Variants in USO1 observed in about 807,000 individuals in gnomAD.
USO1 encodes the protein general vesicular transport factor p115.
In USO1, 57 loss-of-function variants were observed where a neutral mutation model predicts 124.5. The observed-to-expected ratio is 0.46, with a 90% CI of 0.37 to 0.57. The LOEUF is 0.57. Among genes scored for constraint, USO1 ranks in the 20% least tolerant of loss-of-function variants. The pLI is 0.00. For synonymous variants in USO1, 369 were observed against 362.8 expected (o/e 1.02, Z -0.19); for missense variants, 900 against 1,040.6 (o/e 0.86, Z 1.86).
rs775285821 is a variant in USO1, at chr4:75,805,278, A to G, written c.2264A>G (p.Glu755Gly). ...NQELLQSQLT[E>G]KDSMIENMKS... ...GAACTTTTACAAAGCCAGCTGACTG[A>G]AAAGGACTCTATGATTGAAAATATG... is the stretch of plus-strand genomic sequence containing the variant. The change falls in exon 19 of 24, where the codon GAA (glutamate) becomes GGA (glycine). Residue 755 changes from glutamate (E) to glycine (G), a missense_variant. By Grantham distance (98) the Glu-to-Gly change is moderately conservative (BLOSUM62 -2). Around this residue, in one of 2 missense-constraint regions of USO1, gnomAD observed 362 missense variants for 359.0 expected, o/e 1.01. Coordinates refer to ENST00000514213, the MANE Select transcript of USO1 (RefSeq NM_003715.4). The G allele has an allele frequency of 2.5e-6, 4 of 1,609,150 alleles. No homozygotes were observed. Among genetic ancestry groups the G allele is most frequent in the African/African-American group, 1.3e-5 (1 of 74,726 alleles).
At position 75,773,315 on chromosome 4, in the gene USO1, C is replaced by CT. The variant is rs532102525; in HGVS notation, c.556-1353dup. On this transcript the variant is annotated intron_variant, in intron 7 of 23. Coordinates refer to ENST00000514213, the MANE Select transcript of USO1 (RefSeq NM_003715.4). ...TATTGGTTTTTACATGTTTTATAAC[C>CT]TTTTTTTTATTTTAATAAACCTATT... is the stretch of plus-strand genomic sequence containing the variant. Among the ~76,000 whole-genome samples, 32 of 151,426 alleles carry CT rather than the reference C, an allele frequency of 2.1e-4. No individual in the cohort carries two copies. In the East Asian group the frequency reaches 4.1e-3, roughly 19 times the overall value.
chr4:75,769,335 A>G (rs778635805), intron 4 of USO1, among the ~76,000 whole-genome samples: 1 of 152,228 alleles, frequency 6.6e-6, no homozygotes, highest in African/African-American at 2.4e-5. Context: ...TTTCTGAAGG[A>G]TAAACCCAGC....
At chr4:75,796,639 G>A (rs756809835) in intron 13 of USO1, among the ~76,000 whole-genome samples, 1 of 151,688 alleles carries the variant, frequency 6.6e-6, no homozygotes, top group Non-Finnish European at 1.5e-5. Context: ...CGCCCAGCCC[G>A]CAGCTTCAAA....
At chr4:75,760,827 A>G (rs926567943) in intron 4 of USO1, among the ~76,000 whole-genome samples, 1 of 152,200 alleles carries the variant, frequency 6.6e-6, no homozygotes, top group African/African-American at 2.4e-5. Flanking sequence ...CACATAAAAT[A>G]TTCTAGTGCA....
chr4:75,724,860 G>C lies in USO1; in HGVS notation c.41G>C (p.Gly14Ala), dbSNP rs956283249. Residue 14 changes from glycine to alanine, a missense_variant, in exon 1 of 24, where the codon GGA becomes GCA. Gly to Ala is a moderately conservative substitution (Grantham distance 60). This residue lies in a region of USO1 where 538 missense variants were observed against 681.6 expected (regional missense o/e 0.79). Transcript: ENST00000514213. The part of the protein sequence containing the change: ...LRGVMGGQSA[G>A]PQHTEAETIQ... ...GGGGTAATGGGGGGTCAGAGTGCCG[G>C]ACCCCAGCACACAGAAGCCGAGACG... 1 of 1,613,694 alleles carries C rather than the reference G, an allele frequency of 6.2e-7. No homozygotes were observed. Among genetic ancestry groups the C allele is most frequent in the African/African-American group, 1.3e-5 (1 of 74,912 alleles).
intron 1 of USO1, among the ~76,000 whole-genome samples, chr4:75,741,147 C>A (rs765928545): frequency 1.3e-5 from 2 of 152,144 alleles, no homozygotes; most frequent in Non-Finnish European, 2.9e-5. Context: ...GGGCCATAAA[C>A]CTGTACAGCG....
chr4:75,757,528 G>T lies in USO1; in HGVS notation c.250G>T (p.Asp84Tyr). Residue 84 changes from aspartate to tyrosine, a missense_variant, in exon 4 of 24, where the codon GAC becomes TAC. This residue lies in a region of USO1 where 538 missense variants were observed against 681.6 expected (regional missense o/e 0.79). Coordinates refer to ENST00000514213, the MANE Select transcript of USO1 (RefSeq NM_003715.4). ...SDSEIIGYAL[D>Y]TLYNIISNEE... ...TTCTGAAATAATAGGTTATGCTTTG[G>T]ACACACTATATAATATAATATCTAA... 1 of 1,514,410 alleles carries T rather than the reference G, an allele frequency of 6.6e-7. No individual in the cohort carries two copies. Among genetic ancestry groups the T allele is most frequent in the Non-Finnish European group, 8.8e-7 (1 of 1,130,326 alleles). The allele number at this position is 1,514,410 out of a possible 1,614,324, so 93.8% of individuals were successfully genotyped here. A position where few individuals can be genotyped will look rare whatever the true frequency, so the allele number is the denominator to read the frequency against.
intron 3 of USO1, among the ~76,000 whole-genome samples, chr4:75,753,829 G>T (rs1721354919): frequency 6.8e-6 from 1 of 148,012 alleles, no homozygotes; most frequent in Non-Finnish European, 1.5e-5. Flanking sequence ...TGTCGCCCAG[G>T]CTGGAGTGCA....
intron 4 of USO1, among the ~76,000 whole-genome samples, chr4:75,768,885 GCTT>G (rs1197554974): frequency 1.3e-5 from 2 of 152,160 alleles, no homozygotes; most frequent in Non-Finnish European, 2.9e-5. Context: ...TATTTATCCA[GCTT>G]CTTACTTGGT....
At chr4:75,781,378 A>G (rs1320893795) in intron 8 of USO1, among the ~76,000 whole-genome samples, 2 of 152,218 alleles carry the variant, frequency 1.3e-5, no homozygotes, top group Admixed American at 6.5e-5. Context: ...AGGATTTAGA[A>G]TATTACATCA....
At chr4:75,801,506 C>T (rs977977408) in intron 17 of USO1, among the ~76,000 whole-genome samples, 1 of 152,118 alleles carries the variant, frequency 6.6e-6, no homozygotes. Context: ...CCTAAACCTT[C>T]ATTATATTCC....
At chr4:75,813,061 C>T (rs530756650) in intron 23 of USO1, 145 bp from the exon 24 acceptor site, 104 of 744,598 alleles carry the variant, frequency 1.4e-4, no homozygotes, top group Middle Eastern at 1.4e-3. Context: ...TGCAGTGAGC[C>T]GAGATCGCAC....
chr4:75,782,402 A>G (rs1722245327), intron 8 of USO1, among the ~76,000 whole-genome samples: 2 of 152,230 alleles, frequency 1.3e-5, no homozygotes, highest in Admixed American at 1.3e-4. Context: ...CTTGGTAATC[A>G]TTCCTGAAGA....
chr4:75,770,992 T>C, intron 6 of USO1, 68 bp downstream of exon 6: 16 of 1,596,094 alleles, frequency 1.0e-5, no homozygotes, highest in Non-Finnish European at 1.4e-5. Flanking sequence ...AGAAAGGGAC[T>C]GAAATGGTGT....
At chr4:75,800,149 C>T (rs1722803896) in intron 14 of USO1, among the ~76,000 whole-genome samples, 3 of 151,994 alleles carry the variant, frequency 2.0e-5, no homozygotes, top group South Asian at 2.1e-4. Context: ...GTTGGCCAGG[C>T]TGGTCTCAAA....
chr4:75,807,176 A>G (rs555518904), intron 20 of USO1, among the ~76,000 whole-genome samples: 61 of 152,262 alleles, frequency 4.0e-4, no homozygotes, highest in South Asian at 2.1e-3. Flanking sequence ...ATTTAAATGT[A>G]TTGTTCAAGA....
chr4:75,805,065 ATT>A, intron 18 of USO1, 73 bp from the exon 19 acceptor site: 1 of 1,466,858 alleles, frequency 6.8e-7, no homozygotes, highest in Non-Finnish European at 9.0e-7. Flanking sequence ...AAAATTACAT[ATT>A]TGAATCTTCT....
In USO1 at chr4:75,782,834, G is replaced by A; in HGVS notation, c.831G>A (p.Val277=). The stretch of plus-strand genomic sequence containing the variant: ...ATTCTGGCTGGTCTGCACAGAAAGT[G>A]ACCAATCTACATCTAATGCTACAGG... The part of the protein sequence containing the change: ...DENSGWSAQK[V]TNLHLMLQLV... The change falls in exon 9 of 24, where the codon GTG becomes GTA. Residue 277 remains valine, a synonymous_variant. Coordinates refer to ENST00000514213, the MANE Select transcript of USO1 (RefSeq NM_003715.4). 6.2e-7 allele frequency: 1 copy of A among 1,602,770 alleles called. No homozygotes were observed. Among genetic ancestry groups the A allele is most frequent in the Non-Finnish European group, 8.5e-7 (1 of 1,176,852 alleles).
rs1721336774 is a variant in USO1 at position 75,753,147 on chromosome 4, G to T, written c.218+543G>T. 2.0e-5 allele frequency among the ~76,000 whole-genome samples: 3 copies of T among 152,230 alleles called. No homozygotes were observed. The South Asian group carries it at 6.2e-4, about 32-fold the overall frequency. ...TCGTAAGAGAAAGATTGCCAGATAT[G>T]GTGGCTCAAGCTTGTAATTCCAGCA... is the stretch of plus-strand genomic sequence containing the variant. On this transcript the variant is annotated intron_variant, in intron 3 of 23. Coordinates refer to ENST00000514213, the MANE Select transcript of USO1 (RefSeq NM_003715.4).
Sources: allele counts gnomAD v4.1 joint callset (sites outside exome capture counted in the v4.1 genomes callset), GRCh38; gene constraint gnomAD v4.1.1; regional missense constraint gnomAD v4.1.1; transcripts MANE v1.5; gene names NCBI Gene and HGNC (gene_info 2026-07-23, HGNC 2026-07-21).